The following PSD3 variants were observed in gnomAD, a reference collection of about 807,000 sequenced individuals.
The protein encoded by PSD3 is pleckstrin and Sec7 domain containing 3, also known as PH and SEC7 domain-containing protein 3.
Under a neutral mutation model 105.5 loss-of-function variants are expected in PSD3, and 49 were observed. The ratio of observed to expected loss-of-function variants is 0.46; its 90% CI spans 0.37 to 0.59. The LOEUF (loss-of-function observed/expected upper bound fraction) is 0.59. Among genes scored for constraint, PSD3 ranks in the 20% least tolerant of loss-of-function variants. PSD3 has a pLI of 0.00. For missense variants in PSD3, 1,561 were observed against 1,263.8 expected (o/e 1.24, Z -3.57); for synonymous variants, 557 against 457.8 (o/e 1.22, Z -2.77).
At chr8:18,967,361 G>C (rs1586546184) in intron 1 of PSD3, among the ~76,000 whole-genome samples, 1 of 151,968 alleles carries the variant, frequency 6.6e-6, no homozygotes, top group East Asian at 1.9e-4. Context: ...CTCCATGCTG[G>C]TCAGGCTGGT....
At chr8:18,865,259 TATATATATATATATATATATATA>T (rs1563360232) in intron 4 of PSD3, 137 of 6,852 alleles carry the variant, frequency 0.02, 21 homozygotes, top group East Asian at 0.075. Context: ...TATATATATA[TATATATATATATATATATATATA>T]TATATTTTTT....
chr8:18,765,663 A>C, intron 8 of PSD3, 125 bp from the exon 9 acceptor site: 2 of 791,134 alleles, frequency 2.5e-6, no homozygotes, highest in Non-Finnish European at 4.2e-6. Context: ...GCGGTGGCTC[A>C]CGCCTGTAAC....
chr8:18,554,182 G>C (rs1390601790), intron 15 of PSD3, among the ~76,000 whole-genome samples: 2 of 152,164 alleles, frequency 1.3e-5, no homozygotes, highest in African/African-American at 4.8e-5. Flanking sequence ...CGGCATCAAG[G>C]GCTCCAGCGA....
At chr8:18,575,655 AT>A (rs1394333941) in intron 12 of PSD3, among the ~76,000 whole-genome samples, 1 of 152,200 alleles carries the variant, frequency 6.6e-6, no homozygotes, top group Admixed American at 6.5e-5. Context: ...TGGTTTCAGG[AT>A]TAAATGGTTA....
At chr8:18,578,868 A>G (rs1177465861) in intron 12 of PSD3, among the ~76,000 whole-genome samples, 3 of 152,084 alleles carry the variant, frequency 2.0e-5, no homozygotes, top group Non-Finnish European at 4.4e-5. Flanking sequence ...ACTCTAAGGT[A>G]AACTGCCAGA....
chr8:18,669,157 A>C (rs1275810235), intron 9 of PSD3, among the ~76,000 whole-genome samples: 2 of 152,152 alleles, frequency 1.3e-5, no homozygotes, highest in Non-Finnish European at 1.5e-5. Context: ...GACCACAACA[A>C]ATATTTGATT....
intron 1 of PSD3, among the ~76,000 whole-genome samples, chr8:19,023,938 A>G (rs570410028): frequency 6.6e-6 from 1 of 152,224 alleles, no homozygotes; most frequent in Non-Finnish European, 1.5e-5. Context: ...TATGCACTGT[A>G]CTGTACTGAC....
At chr8:18,956,620 C>T (rs73204504) in intron 1 of PSD3, among the ~76,000 whole-genome samples, 46,875 of 151,938 alleles carry the variant, frequency 0.31, 7,655 homozygotes, top group Middle Eastern at 0.51. Context: ...CATTACCAAC[C>T]GAGTCTTGCT....
chr8:18,705,347 G>A (rs1450129787), intron 9 of PSD3, among the ~76,000 whole-genome samples: 1 of 151,956 alleles, frequency 6.6e-6, no homozygotes, highest in African/African-American at 2.4e-5. Context: ...GGGCAACATG[G>A]CTTAAGACGG....
intron 10 of PSD3, among the ~76,000 whole-genome samples, chr8:18,642,071 G>A (rs1807685650): frequency 6.6e-6 from 1 of 152,068 alleles, no homozygotes; most frequent in Admixed American, 6.5e-5. Context: ...TTAATACCAA[G>A]AAAAATGCTG....
intron 9 of PSD3, among the ~76,000 whole-genome samples, chr8:18,695,018 G>A (rs718419): frequency 0.92 from 139,590 of 152,220 alleles, 64,516 homozygotes; most frequent in Middle Eastern, 0.97. Context: ...CTCTAAGACA[G>A]GAAGGGACCA....
intron 9 of PSD3, among the ~76,000 whole-genome samples, chr8:18,743,846 G>C (rs535916408): frequency 6.6e-6 from 1 of 151,666 alleles, no homozygotes; most frequent in African/African-American, 2.4e-5. Context: ...CTACTTTGAG[G>C]GGGGAGGTTA....
At chr8:18,664,203 A>G (rs1176285049) in intron 9 of PSD3, among the ~76,000 whole-genome samples, 3 of 152,258 alleles carry the variant, frequency 2.0e-5, no homozygotes, top group Non-Finnish European at 4.4e-5. Flanking sequence ...GATTAAGCTT[A>G]GTGAGGCTAA....
At chr8:18,929,765 A>C (rs1392808442) in intron 2 of PSD3, among the ~76,000 whole-genome samples, 1 of 152,208 alleles carries the variant, frequency 6.6e-6, no homozygotes, top group East Asian at 1.9e-4. Context: ...AGATTTAATG[A>C]AACAACTGAC....
At chr8:18,730,789 T>C (rs1459471353) in intron 9 of PSD3, among the ~76,000 whole-genome samples, 1 of 152,238 alleles carries the variant, frequency 6.6e-6, no homozygotes, top group East Asian at 1.9e-4. Context: ...GTGGGCACTG[T>C]TTTTCAGAAA....
At position 18,819,211 on chromosome 8, in the gene PSD3, G is replaced by A. The variant is rs150465798; in HGVS notation, c.1635-14313C>T. The stretch of plus-strand genomic sequence containing the variant: ...AGGTAAACAGCTGTTGACAAAGCCA[G>A]GCTTTCCAGAGGGTAGGTTTAGTCA... On this transcript the variant is annotated intron_variant, in intron 4 of 15. Coordinates refer to ENST00000327040, the MANE Select transcript of PSD3 (RefSeq NM_015310.4). Among the ~76,000 whole-genome samples, 31 of 152,316 alleles carry A rather than the reference G, an allele frequency of 2.0e-4. No individual in the cohort carries two copies. In the East Asian group the frequency reaches 5.6e-3, roughly 27 times the overall value.
At chr8:18,812,221 G>C (rs181958091) in intron 4 of PSD3, among the ~76,000 whole-genome samples, 29 of 152,286 alleles carry the variant, frequency 1.9e-4, no homozygotes, top group Non-Finnish European at 3.4e-4. Flanking sequence ...TTTGACAGAT[G>C]ATGAGGAGAG....
At chr8:18,884,102 G>A (rs1018240775) in intron 2 of PSD3, among the ~76,000 whole-genome samples, 4 of 152,086 alleles carry the variant, frequency 2.6e-5, no homozygotes, top group Admixed American at 6.6e-5. Context: ...AGGAAAAAGA[G>A]TGACCACTCT....
At chr8:18,799,576 G>C (rs1055013376) in intron 7 of PSD3, among the ~76,000 whole-genome samples, 2 of 152,162 alleles carry the variant, frequency 1.3e-5, no homozygotes, top group Admixed American at 1.3e-4. Context: ...TACCTCTCTG[G>C]AGGACAGTTT....
Sources: gnomAD v4.1 joint callset for allele counts (sites outside exome capture counted in the v4.1 genomes callset) on GRCh38, gnomAD v4.1.1 for gene constraint, MANE v1.5 for transcripts, NCBI Gene and HGNC (gene_info 2026-07-23, HGNC 2026-07-21) for gene names.